PCDH15: variants seen among roughly 807,000 people sequenced by gnomAD.
PCDH15 encodes protocadherin related 15.
A neutral mutation model predicts 178.5 loss-of-function variants in PCDH15; 129 were observed. That is an observed-to-expected ratio of 0.72 (90% confidence interval 0.63 to 0.84). The LOEUF (loss-of-function observed/expected upper bound fraction) is 0.84. PCDH15 is among the 40% of genes least tolerant of loss of function. The pLI is 0.00. For missense variants in PCDH15, 2,230 were observed against 2,099.9 expected, an observed-to-expected ratio of 1.06 and a Z score of -1.21; for synonymous variants, 800 against 732.0, an observed-to-expected ratio of 1.09 and a Z score of -1.50.
chr10:55,307,420 G>A (rs2460273), intron 1 of PCDH15, among the ~76,000 whole-genome samples: 1 of 151,422 alleles, frequency 6.6e-6, no homozygotes, highest in Admixed American at 6.6e-5. Context: ...GGAGAATGGC[G>A]TGAACCCGGG....
intron 1 of PCDH15, among the ~76,000 whole-genome samples, chr10:54,747,576 A>T (rs938393477): frequency 6.6e-6 from 1 of 152,224 alleles, no homozygotes; most frequent in Non-Finnish European, 1.5e-5. Context: ...TTGTACCAGC[A>T]TTAACCTGCA....
intron 23 of PCDH15, among the ~76,000 whole-genome samples, chr10:53,947,840 G>A (rs963803985): frequency 6.6e-6 from 1 of 152,128 alleles, no homozygotes; most frequent in Non-Finnish European, 1.5e-5. Context: ...TCATCTGGAG[G>A]ATACAAAAAC....
intron 2 of PCDH15, chr10:54,599,925 C>A: frequency 1.2e-6 from 1 of 826,698 alleles, no homozygotes. Flanking sequence ...AGGAAGTGGC[C>A]ACTAAGGAGG....
At chr10:54,416,251 C>A (rs1273515908) in intron 3 of PCDH15, among the ~76,000 whole-genome samples, 1 of 151,988 alleles carries the variant, frequency 6.6e-6, no homozygotes, top group Non-Finnish European at 1.5e-5. Flanking sequence ...CACCTATTGA[C>A]CCGTCCTTTA....
At chr10:55,263,684 C>G (rs897402738) in intron 1 of PCDH15, among the ~76,000 whole-genome samples, 6 of 152,118 alleles carry the variant, frequency 3.9e-5, no homozygotes, top group African/African-American at 1.4e-4. Flanking sequence ...GCTCTTTCCC[C>G]AGGATCTCCC....
chr10:54,609,979 G>T (rs944679321), intron 2 of PCDH15, among the ~76,000 whole-genome samples: 2 of 151,864 alleles, frequency 1.3e-5, no homozygotes, highest in African/African-American at 4.8e-5. Context: ...AAATTCATTT[G>T]TATTTCTTGA....
At chr10:54,022,857 T>A in intron 19 of PCDH15, 35 bp downstream of exon 19, 1 of 1,608,068 alleles carries the variant, frequency 6.2e-7, no homozygotes, top group Non-Finnish European at 8.5e-7. Context: ...TCTCCTAATG[T>A]AGGATTCATG....
intron 2 of PCDH15, among the ~76,000 whole-genome samples, chr10:55,463,247 A>G (rs1200878272): frequency 6.6e-6 from 1 of 152,158 alleles, no homozygotes; most frequent in Non-Finnish European, 1.5e-5. Context: ...TTAACTCCAT[A>G]TGCTAGAATG....
At chr10:54,045,990 C>T (rs1238421074) in intron 18 of PCDH15, among the ~76,000 whole-genome samples, 5 of 151,986 alleles carry the variant, frequency 3.3e-5, no homozygotes, top group Non-Finnish European at 7.4e-5. Context: ...TAAAAAAGAA[C>T]ATTCAAGAAG....
At chr10:54,289,391 G>A (rs981569606) in intron 8 of PCDH15, among the ~76,000 whole-genome samples, 1 of 152,160 alleles carries the variant, frequency 6.6e-6, no homozygotes, top group Non-Finnish European at 1.5e-5. Flanking sequence ...CCATCTGTGG[G>A]TCACCAACAT....
chr10:53,855,427 TAAAC>T (rs2078658816), intron 28 of PCDH15, among the ~76,000 whole-genome samples: 1 of 152,002 alleles, frequency 6.6e-6, no homozygotes, highest in South Asian at 2.1e-4. Flanking sequence ...TCTGCAGAAA[TAAAC>T]AAGACACTGT....
intron 15 of PCDH15, among the ~76,000 whole-genome samples, chr10:54,114,391 G>A (rs1254453550): frequency 2.0e-5 from 3 of 152,092 alleles, no homozygotes; most frequent in African/African-American, 7.2e-5. Flanking sequence ...ACAGTAGAAA[G>A]CAACACACCA....
chr10:54,879,747 A>G (rs955565018), intron 3 of PCDH15, among the ~76,000 whole-genome samples: 5 of 151,746 alleles, frequency 3.3e-5, no homozygotes, highest in African/African-American at 1.2e-4. Flanking sequence ...ACATTATTAT[A>G]TATAACCAAC....
intron 3 of PCDH15, among the ~76,000 whole-genome samples, chr10:54,896,047 C>T (rs1202441609): frequency 6.6e-6 from 1 of 151,956 alleles, no homozygotes; most frequent in Non-Finnish European, 1.5e-5. Context: ...TCACCACAGC[C>T]AGCTAATTTT....
chr10:55,555,727 AT>A (rs907046931), intron 2 of PCDH15, among the ~76,000 whole-genome samples: 2 of 151,966 alleles, frequency 1.3e-5, no homozygotes, highest in African/African-American at 4.8e-5. Flanking sequence ...TGCTTAGTGG[AT>A]TTTTTTTCCT....
At chr10:54,612,302 T>C (rs2092988389) in intron 2 of PCDH15, among the ~76,000 whole-genome samples, 1 of 151,842 alleles carries the variant, frequency 6.6e-6, no homozygotes, top group African/African-American at 2.4e-5. Context: ...CATATATTTA[T>C]TAAAATAAAT....
At chr10:54,388,905 G>T (rs1362186112) in intron 3 of PCDH15, among the ~76,000 whole-genome samples, 3 of 152,098 alleles carry the variant, frequency 2.0e-5, no homozygotes, top group Non-Finnish European at 4.4e-5. Flanking sequence ...CAGTGAGCTG[G>T]TTCCCTGAGG....
chr10:54,228,480 G>C (rs1043854833), intron 9 of PCDH15, among the ~76,000 whole-genome samples: 1 of 152,126 alleles, frequency 6.6e-6, no homozygotes, highest in Non-Finnish European at 1.5e-5. Flanking sequence ...TGAGATTTGG[G>C]TGGTGACACA....
chr10:55,292,592 G>C (rs1052567741), intron 1 of PCDH15, among the ~76,000 whole-genome samples: 1 of 152,094 alleles, frequency 6.6e-6, no homozygotes, highest in Non-Finnish European at 1.5e-5. Flanking sequence ...ATGTTGGCCA[G>C]GCTGGTCTCG....
Sources: allele counts gnomAD v4.1 joint callset (sites outside exome capture counted in the v4.1 genomes callset), GRCh38; gene constraint gnomAD v4.1.1; transcripts MANE v1.5; gene names NCBI Gene and HGNC (gene_info 2026-07-23, HGNC 2026-07-21).